The following IQGAP2 variants were observed in gnomAD, a reference collection of about 807,000 sequenced individuals.
The protein encoded by IQGAP2 is IQ motif containing GTPase activating protein 2.
Under a neutral mutation model 201.3 loss-of-function variants are expected in IQGAP2, and 173 were observed. The ratio of observed to expected loss-of-function variants is 0.86; its 90% confidence interval spans 0.76 to 0.98. The LOEUF (loss-of-function observed/expected upper bound fraction) is 0.98. Among genes scored for constraint, IQGAP2 ranks in the 50% least tolerant of loss-of-function variants. IQGAP2 has a pLI of 0.00. For missense variants in IQGAP2, 1,687 were observed against 1,864.8 expected, an observed-to-expected ratio of 0.90 and a Z score of 1.76; for synonymous variants, 675 against 673.9, an observed-to-expected ratio of 1.00 and a Z score of -0.03.
intron 2 of IQGAP2, among the ~76,000 whole-genome samples, chr5:76,528,783 A>G (rs2150204121): frequency 6.6e-6 from 1 of 152,294 alleles, no homozygotes; most frequent in Non-Finnish European, 1.5e-5. Flanking sequence ...TTTAGACTCT[A>G]GGGACACCTT....
chr5:76,680,794 TAAAAAAA>T (rs755958579), intron 28 of IQGAP2, among the ~76,000 whole-genome samples: 68 of 115,516 alleles, frequency 5.9e-4, no homozygotes, highest in Middle Eastern at 4.2e-3. Flanking sequence ...TTGTCTCATT[TAAAAAAA>T]AAAAAAAAAA....
intron 1 of IQGAP2, among the ~76,000 whole-genome samples, chr5:76,425,178 T>G (rs1043434554): frequency 6.6e-6 from 1 of 152,354 alleles, no homozygotes; most frequent in East Asian, 1.9e-4. Flanking sequence ...CTGGAGACTA[T>G]GCTAGCTCAG....
chr5:76,526,651 G>A (rs1168452868), intron 2 of IQGAP2, among the ~76,000 whole-genome samples: 1 of 152,090 alleles, frequency 6.6e-6, no homozygotes. Flanking sequence ...TCTTCCACCG[G>A]AGACGTAGGT....
At chr5:76,432,180 C>G (rs10068404) in intron 1 of IQGAP2, among the ~76,000 whole-genome samples, 52,287 of 135,222 alleles carry the variant, frequency 0.39, 11,814 homozygotes, top group East Asian at 0.52. Context: ...GGCTGGAGTT[C>G]AGTGGCTGGA....
At chr5:76,491,714 T>C (rs750502548) in intron 2 of IQGAP2, among the ~76,000 whole-genome samples, 8 of 152,200 alleles carry the variant, frequency 5.3e-5, no homozygotes, top group Non-Finnish European at 1.0e-4. Flanking sequence ...CTGTTGGTTG[T>C]TCAGTCCTCT....
At chr5:76,591,452 G>A (rs1267660108) in intron 8 of IQGAP2, among the ~76,000 whole-genome samples, 1 of 152,064 alleles carries the variant, frequency 6.6e-6, no homozygotes, top group Non-Finnish European at 1.5e-5. Context: ...ATTTGTCTAC[G>A]CTGAGAGCTT....
At chr5:76,612,285 C>T (rs1441612835) in intron 13 of IQGAP2, among the ~76,000 whole-genome samples, 2 of 152,052 alleles carry the variant, frequency 1.3e-5, no homozygotes, top group African/African-American at 4.8e-5. Context: ...GAGTTCGAGA[C>T]CAGCCTGGCA....
At chr5:76,406,179 G>T (rs4704309) in intron 1 of IQGAP2, among the ~76,000 whole-genome samples, 1 of 152,140 alleles carries the variant, frequency 6.6e-6, no homozygotes, top group African/African-American at 2.4e-5. Flanking sequence ...TCTGTAAAAG[G>T]CCACATAATA....
intron 13 of IQGAP2, 42 bp from the exon 14 acceptor site, chr5:76,627,368 C>A: frequency 1.6e-6 from 2 of 1,234,830 alleles, no homozygotes; most frequent in Non-Finnish European, 2.4e-6. Flanking sequence ...GTTTCCTCAT[C>A]ATTCACTCTT....
chr5:76,684,352 C>T (rs1745555485), intron 30 of IQGAP2, among the ~76,000 whole-genome samples: 1 of 152,162 alleles, frequency 6.6e-6, no homozygotes, highest in Admixed American at 6.6e-5. Flanking sequence ...ATTGGCCTTC[C>T]TTCCTGTTAA....
intron 30 of IQGAP2, among the ~76,000 whole-genome samples, chr5:76,687,484 C>T (rs1480684659): frequency 6.6e-6 from 1 of 152,166 alleles, no homozygotes; most frequent in African/African-American, 2.4e-5. Context: ...AAAACTGAGT[C>T]TTTTTCTTGC....
At chr5:76,656,225 GT>G (rs34793452) in intron 20 of IQGAP2, among the ~76,000 whole-genome samples, 94,676 of 150,298 alleles carry the variant, frequency 0.63, 29,883 homozygotes, top group South Asian at 0.82. Flanking sequence ...TTTGTTTTTT[GT>G]TTTTTTTTTT....
intron 13 of IQGAP2, among the ~76,000 whole-genome samples, chr5:76,626,553 A>G (rs1750255950): frequency 6.6e-6 from 1 of 152,022 alleles, no homozygotes; most frequent in Admixed American, 6.6e-5. Context: ...TTACAGGTGT[A>G]AGCCACCATG....
At chr5:76,592,702 C>T in intron 8 of IQGAP2, 136 bp from the exon 9 acceptor site, 1 of 655,538 alleles carries the variant, frequency 1.5e-6, no homozygotes, top group Admixed American at 2.5e-5. Context: ...ACAGAGCAGG[C>T]ACTCCACAAA....
chr5:76,675,449 G>A (rs1225715712), intron 27 of IQGAP2, among the ~76,000 whole-genome samples: 1 of 152,164 alleles, frequency 6.6e-6, no homozygotes, highest in Admixed American at 6.5e-5. Context: ...AATATGTTCT[G>A]TTCTATTCTC....
At chr5:76,407,305 T>C (rs1308235697) in intron 1 of IQGAP2, among the ~76,000 whole-genome samples, 3 of 152,168 alleles carry the variant, frequency 2.0e-5, no homozygotes, top group African/African-American at 7.2e-5. Context: ...TCTGCTCTTA[T>C]CTGAATAGTG....
Position 76,658,451 on chromosome 5 carries a change from C to T in IQGAP2, c.2321-8C>T. On this transcript the variant is annotated splice_polypyrimidine_tract_variant and splice_region_variant and intron_variant, in intron 20 of 35. Coordinates refer to ENST00000274364, the MANE Select transcript of IQGAP2 (RefSeq NM_006633.5). ...CTAATTAAAGTATACCTGTTCCTGT[C>T]ACTGCAGTTGGCTCTGAAAACCCAC... 8 of 1,606,460 alleles carry T rather than the reference C, an allele frequency of 5.0e-6. No homozygotes were observed. Among genetic ancestry groups the T allele is most frequent in the Non-Finnish European group, 6.8e-6 (8 of 1,173,146 alleles).
intron 10 of IQGAP2, among the ~76,000 whole-genome samples, chr5:76,599,318 T>C: frequency 6.6e-6 from 1 of 152,158 alleles, no homozygotes; most frequent in Admixed American, 6.5e-5. Context: ...TCATTCAGGT[T>C]CTCTCATTAA....
intron 1 of IQGAP2, among the ~76,000 whole-genome samples, chr5:76,424,181 T>C (rs10043040): frequency 0.4 from 60,208 of 152,192 alleles, 13,403 homozygotes; most frequent in East Asian, 0.52. Context: ...GGGGCTTCAA[T>C]ATTGTTTTCA....
Sources: allele counts gnomAD v4.1 joint callset (sites outside exome capture counted in the v4.1 genomes callset), GRCh38; gene constraint gnomAD v4.1.1; transcripts MANE v1.5; gene names NCBI Gene and HGNC (gene_info 2026-07-23, HGNC 2026-07-21).